AMOTL1: variants seen among roughly 807,000 people sequenced by gnomAD.
AMOTL1 encodes the protein angiomotin like 1, also known as angiomotin-like protein 1.
AMOTL1 carries 45 observed loss-of-function variants against 102.9 expected under a neutral mutation model. The observed-to-expected ratio is 0.44, with a 90% CI of 0.34 to 0.56. AMOTL1 has a LOEUF of 0.56. AMOTL1 is among the 20% of genes least tolerant of loss of function. AMOTL1 has a pLI of 0.01. For missense variants in AMOTL1, 1,114 were observed against 1,225.6 expected (o/e 0.91, Z 1.36); for synonymous variants, 481 against 484.7 (o/e 0.99, Z 0.10).
chr11:94,762,880 A>T (rs1950811178), intron 3 of AMOTL1, among the ~76,000 whole-genome samples: 1 of 152,218 alleles, frequency 6.6e-6, no homozygotes, highest in Non-Finnish European at 1.5e-5. Flanking sequence ...CTGGTGTGTC[A>T]CTATGGGTGT....
chr11:94,851,848 T>A (rs1333773862), intron 7 of AMOTL1, among the ~76,000 whole-genome samples: 1 of 152,218 alleles, frequency 6.6e-6, no homozygotes, highest in African/African-American at 2.4e-5. Context: ...CTTGCTAGAA[T>A]TAAGGTTGAT....
intron 6 of AMOTL1, among the ~76,000 whole-genome samples, chr11:94,831,778 C>T (rs2135664706): frequency 6.6e-6 from 1 of 152,272 alleles, no homozygotes; most frequent in East Asian, 1.9e-4. Flanking sequence ...GTTTCTCTCT[C>T]TCTCTCTATA....
At chr11:94,860,191 C>T (rs1465296321) in intron 9 of AMOTL1, among the ~76,000 whole-genome samples, 1 of 151,460 alleles carries the variant, frequency 6.6e-6, no homozygotes, top group Non-Finnish European at 1.5e-5. Flanking sequence ...ATAGATAATC[C>T]CCATAGCAGC....
At chr11:94,791,441 T>C (rs1951284338) in intron 1 of AMOTL1, among the ~76,000 whole-genome samples, 1 of 152,242 alleles carries the variant, frequency 6.6e-6, no homozygotes, top group Admixed American at 6.5e-5. Context: ...TCCCTATGCA[T>C]ACTAAAGCTG....
intron 1 of AMOTL1, among the ~76,000 whole-genome samples, chr11:94,715,873 C>T (rs539552260): frequency 6.6e-6 from 1 of 152,104 alleles, no homozygotes; most frequent in African/African-American, 2.4e-5. Context: ...GTTCACTTGG[C>T]TTCTTGAATC....
At chr11:94,857,489 A>G (rs1223483049) in intron 8 of AMOTL1, among the ~76,000 whole-genome samples, 4 of 152,212 alleles carry the variant, frequency 2.6e-5, no homozygotes, top group African/African-American at 7.2e-5. Flanking sequence ...CTGTTTTATA[A>G]GTAATTGCCC....
chr11:94,823,667 G>A (rs1951910772), intron 4 of AMOTL1, among the ~76,000 whole-genome samples: 1 of 151,900 alleles, frequency 6.6e-6, no homozygotes. Context: ...TACACAAATG[G>A]TGCAGAAATT....
At chr11:94,749,002 G>T (rs1051970912) in intron 3 of AMOTL1, among the ~76,000 whole-genome samples, 8 of 152,206 alleles carry the variant, frequency 5.3e-5, no homozygotes, top group African/African-American at 1.7e-4. Flanking sequence ...GGGTTCTCCA[G>T]AGAGACAGAA....
intron 3 of AMOTL1, among the ~76,000 whole-genome samples, chr11:94,815,554 T>C (rs1951751108): frequency 6.6e-6 from 1 of 152,114 alleles, no homozygotes; most frequent in Admixed American, 6.5e-5. Flanking sequence ...ACATAATACG[T>C]ATTCATTGAA....
At chr11:94,766,906 T>C (rs1426702531), upstream of AMOTL1, among the ~76,000 whole-genome samples, 1 of 152,216 alleles carries the variant, frequency 6.6e-6, no homozygotes, top group South Asian at 2.1e-4. Flanking sequence ...TTTCTCCTCG[T>C]TTCTGGTAAA....
chr11:94,797,894 T>C (rs1219076226), intron 2 of AMOTL1, among the ~76,000 whole-genome samples: 2 of 152,192 alleles, frequency 1.3e-5, no homozygotes, highest in Admixed American at 1.3e-4. Flanking sequence ...CATCCTGTAA[T>C]TGATTATTGA....
At chr11:94,740,368 A>G (rs77441308) in intron 2 of AMOTL1, 1 of 152,192 alleles carries the variant, frequency 6.6e-6, no homozygotes, top group East Asian at 1.9e-4. Flanking sequence ...AAAATGGGCA[A>G]ACGGGGCGGG....
At chr11:94,721,158 G>A (rs1443474722) in intron 1 of AMOTL1, among the ~76,000 whole-genome samples, 1 of 152,040 alleles carries the variant, frequency 6.6e-6, no homozygotes, top group Non-Finnish European at 1.5e-5. Context: ...TTGGGATGGG[G>A]TCTGTACCAT....
At chr11:94,765,790 C>G (rs1426366089), upstream of AMOTL1, among the ~76,000 whole-genome samples, 1 of 152,184 alleles carries the variant, frequency 6.6e-6, no homozygotes, top group Non-Finnish European at 1.5e-5. Context: ...TTCCTCTTCT[C>G]CCTCCTTCTT....
At chr11:94,793,617 C>T (rs756604945) in intron 1 of AMOTL1, among the ~76,000 whole-genome samples, 1 of 152,214 alleles carries the variant, frequency 6.6e-6, no homozygotes, top group Non-Finnish European at 1.5e-5. Context: ...TCCAGGTCAT[C>T]CATGATTCCT....
intron 4 of AMOTL1, among the ~76,000 whole-genome samples, chr11:94,828,732 T>C (rs1027238554): frequency 5.9e-5 from 9 of 152,198 alleles, no homozygotes; most frequent in African/African-American, 1.9e-4. Context: ...TATAGGAGTC[T>C]TGGCAGGACT....
rs1016952643 is a variant in AMOTL1, at chr11:94,872,724, C to A, written c.*1929C>A. 6.6e-6 allele frequency: 1 copy of A among 152,246 alleles called. No individual in the cohort carries two copies. The highest frequency in any genetic ancestry group is 2.4e-5 in the African/African-American group (1 of 41,434). The allele number at this position is 152,246 out of a possible 1,614,324, so 9.4% of individuals were successfully genotyped here. On this transcript the variant is annotated 3_prime_UTR_variant, in exon 13 of 13. Coordinates refer to ENST00000433060, the MANE Select transcript of AMOTL1 (RefSeq NM_130847.3). ...AGTCTCACACTGAGCATCGGAGTAC[C>A]TGTTGTGCAGACAGGAAAACTGAGG...
At chr11:94,817,114 C>T (rs1951778986) in intron 3 of AMOTL1, among the ~76,000 whole-genome samples, 1 of 151,998 alleles carries the variant, frequency 6.6e-6, no homozygotes, top group Non-Finnish European at 1.5e-5. Context: ...AATAAATTTA[C>T]TTACAGAATT....
chr11:94,726,175 G>T (rs79903698), intron 1 of AMOTL1, among the ~76,000 whole-genome samples: 1 of 152,290 alleles, frequency 6.6e-6, no homozygotes, highest in Non-Finnish European at 1.5e-5. Context: ...TAAAAGAAGA[G>T]GCTGTGTCAG....
Sources: gnomAD v4.1 joint callset for allele counts (sites outside exome capture counted in the v4.1 genomes callset) on GRCh38, gnomAD v4.1.1 for gene constraint, MANE v1.5 for transcripts, NCBI Gene and HGNC (gene_info 2026-07-23, HGNC 2026-07-21) for gene names.